AUTS2: variants seen among roughly 807,000 people sequenced by gnomAD.
AUTS2 encodes autism susceptibility gene 2 protein.
AUTS2 carries 17 observed loss-of-function variants against 112.4 expected under a neutral mutation model. That is an observed-to-expected ratio of 0.15 (90% CI 0.10 to 0.23). AUTS2 has a LOEUF of 0.23. Ranked by LOEUF, AUTS2 falls within the 10% of genes least tolerant of loss-of-function variation. AUTS2 has a pLI of 1.00. For synonymous variants in AUTS2, 751 were observed against 702.7 expected (o/e 1.07, Z -1.09); for missense variants, 1,510 against 1,701.6 (o/e 0.89, Z 1.98).
chr7:69,905,100 C>T (rs937982596), intron 2 of AUTS2, among the ~76,000 whole-genome samples: 7 of 152,030 alleles, frequency 4.6e-5, no homozygotes, highest in Non-Finnish European at 8.8e-5. Flanking sequence ...CAGGTTTATT[C>T]GTGTTTTTCA....
At position 70,203,088 on chromosome 7, in the gene AUTS2, G is replaced by A. The variant is rs913460155; in HGVS notation, c.660+68517G>A. 4.1e-5 allele frequency among the ~76,000 whole-genome samples: 6 copies of A among 145,940 alleles called. No individual in the cohort carries two copies. The South Asian group carries it at 6.8e-4, about 17-fold the overall frequency. ...GGAAACCATCTCTCAGTAAACTATC[G>A]CAAGAACAAAAAACCAAACACCGCA... On this transcript the variant is annotated intron_variant, in intron 4 of 18. Transcript: ENST00000342771.
intron 1 of AUTS2, among the ~76,000 whole-genome samples, chr7:69,624,931 C>T (rs1367154897): frequency 8.3e-6 from 1 of 120,946 alleles, no homozygotes; most frequent in Non-Finnish European, 1.7e-5. Flanking sequence ...CCTCGGTGCC[C>T]CCGCCCCCCA....
At chr7:70,210,898 C>G (rs779659260) in intron 4 of AUTS2, among the ~76,000 whole-genome samples, 4 of 152,136 alleles carry the variant, frequency 2.6e-5, no homozygotes, top group Non-Finnish European at 5.9e-5. Flanking sequence ...AAACCTGTCT[C>G]TTGGGGTTTC....
intron 6 of AUTS2, among the ~76,000 whole-genome samples, chr7:70,755,829 C>T (rs1396313571): frequency 6.6e-6 from 1 of 151,724 alleles, no homozygotes; most frequent in Non-Finnish European, 1.5e-5. Flanking sequence ...CTCTTATTTA[C>T]TTTAATAAAA....
At chr7:69,600,263 A>ATGCGCCCCCTCTCCACAGAGAGC (rs1479373749) in intron 1 of AUTS2, among the ~76,000 whole-genome samples, 4 of 151,540 alleles carry the variant, frequency 2.6e-5, no homozygotes, top group African/African-American at 9.7e-5. Flanking sequence ...CATCACAACA[A>ATGCGCCCCCTCTCCACAGAGAGC]TGCGCCCCCT....
intron 5 of AUTS2, among the ~76,000 whole-genome samples, chr7:70,507,125 G>A (rs1198868947): frequency 6.6e-6 from 1 of 152,194 alleles, no homozygotes; most frequent in Non-Finnish European, 1.5e-5. Flanking sequence ...GAGGAAATAA[G>A]TGTAAATTGT....
At chr7:70,328,530 T>G (rs1488592153) in intron 4 of AUTS2, among the ~76,000 whole-genome samples, 2 of 152,162 alleles carry the variant, frequency 1.3e-5, no homozygotes, top group Non-Finnish European at 2.9e-5. Flanking sequence ...CAGAGTGAGT[T>G]GTTTTTTAAG....
chr7:69,935,007 C>T (rs934089104), intron 2 of AUTS2, among the ~76,000 whole-genome samples: 1 of 152,034 alleles, frequency 6.6e-6, no homozygotes, highest in African/African-American at 2.4e-5. Flanking sequence ...AAATCTGAAC[C>T]CTCAATTTCT....
intron 2 of AUTS2, among the ~76,000 whole-genome samples, chr7:70,070,727 A>G (rs1044353828): frequency 1.3e-5 from 2 of 151,056 alleles, no homozygotes; most frequent in Non-Finnish European, 3.0e-5. Flanking sequence ...TTAGCCGAGC[A>G]TGGTTGTGGT....
chr7:70,731,830 A>G (rs1787421499), intron 6 of AUTS2, among the ~76,000 whole-genome samples: 5 of 151,540 alleles, frequency 3.3e-5, no homozygotes, highest in Admixed American at 3.3e-4. Context: ...CAAATAGACA[A>G]TTTTTTTCTG....
intron 2 of AUTS2, among the ~76,000 whole-genome samples, chr7:70,098,430 G>A (rs1290349375): frequency 6.6e-6 from 1 of 152,166 alleles, no homozygotes; most frequent in Non-Finnish European, 1.5e-5. Context: ...AGTCCTAGGA[G>A]GGGAGAGTGG....
At chr7:69,679,678 A>C (rs1796708901) in intron 1 of AUTS2, among the ~76,000 whole-genome samples, 1 of 152,238 alleles carries the variant, frequency 6.6e-6, no homozygotes, top group Admixed American at 6.5e-5. Context: ...AGGAAAGAGA[A>C]GACTGTGTGT....
intron 2 of AUTS2, among the ~76,000 whole-genome samples, chr7:69,958,968 G>C (rs1377538053): frequency 6.6e-6 from 1 of 152,102 alleles, no homozygotes; most frequent in Admixed American, 6.6e-5. Flanking sequence ...GAGCTATTCT[G>C]GACTAGATTG....
At chr7:70,410,040 G>A (rs569085152) in intron 4 of AUTS2, among the ~76,000 whole-genome samples, 7 of 152,314 alleles carry the variant, frequency 4.6e-5, no homozygotes, top group African/African-American at 1.4e-4. Context: ...TTTTCCTGTT[G>A]GCTGGGATGT....
chr7:69,738,969 C>T (rs1455930376), intron 1 of AUTS2, among the ~76,000 whole-genome samples: 2 of 152,010 alleles, frequency 1.3e-5, no homozygotes, highest in African/African-American at 2.4e-5. Context: ...GCAAGATGTT[C>T]GGTGGTGTCC....
At chr7:70,149,010 C>T (rs1345317591) in intron 4 of AUTS2, among the ~76,000 whole-genome samples, 3 of 151,956 alleles carry the variant, frequency 2.0e-5, no homozygotes, top group African/African-American at 7.2e-5. Context: ...TTTCCATGTT[C>T]TGTTCTCATT....
chr7:70,760,206 C>T (rs537805809), intron 6 of AUTS2, among the ~76,000 whole-genome samples: 101 of 152,288 alleles, frequency 6.6e-4, no homozygotes, highest in South Asian at 2.5e-3. Flanking sequence ...AGGGTTTCAC[C>T]GTGTTAGCCA....
intron 1 of AUTS2, among the ~76,000 whole-genome samples, chr7:69,702,465 C>T (rs896538420): frequency 3.3e-5 from 5 of 152,230 alleles, no homozygotes; most frequent in Middle Eastern, 3.4e-3. Context: ...CATTTGAAAT[C>T]CAGGATACTT....
chr7:70,434,020 C>T (rs976604971), intron 4 of AUTS2, among the ~76,000 whole-genome samples: 1 of 152,168 alleles, frequency 6.6e-6, no homozygotes, highest in Admixed American at 6.5e-5. Context: ...CTTGGTCCCA[C>T]TCTGTTGTTT....
Sources: allele counts gnomAD v4.1 joint callset (sites outside exome capture counted in the v4.1 genomes callset), GRCh38; gene constraint gnomAD v4.1.1; transcripts MANE v1.5; gene names NCBI Gene and HGNC (gene_info 2026-07-23, HGNC 2026-07-21).